Variants in ANXA4 observed in about 807,000 individuals in gnomAD.
ANXA4 encodes annexin A4.
ANXA4 carries 39 observed loss-of-function variants against 49.8 expected under a neutral mutation model. That is an observed-to-expected ratio of 0.78 (90% CI 0.61 to 1.02). The LOEUF (loss-of-function observed/expected upper bound fraction) is 1.02, where lower values mean the gene tolerates loss of function less well. ANXA4 is among the 50% of genes least tolerant of loss of function. The probability of loss-of-function intolerance (pLI) is 0.00; values close to 1 mark genes in which losing one functional copy is unlikely to be tolerated. For missense variants in ANXA4, 360 were observed against 410.1 expected (o/e 0.88, Z 1.05); for synonymous variants, 134 against 152.5 (o/e 0.88, Z 0.89).
intron 2 of ANXA4, among the ~76,000 whole-genome samples, chr2:69,665,395 G>C (rs2105331506): frequency 6.6e-6 from 1 of 152,262 alleles, no homozygotes; most frequent in South Asian, 2.1e-4. Flanking sequence ...TCTCATGGCA[G>C]CCAGGCAACA....
rs554148059 is a variant in ANXA4 at position 69,813,735 on chromosome 2, G to A, written c.534+1026G>A. Among the ~76,000 whole-genome samples the A allele has an allele frequency of 3.4e-5, 5 of 147,636 alleles. No homozygotes were observed. The South Asian group carries it at 1.1e-3, about 32-fold the overall frequency. ...TTGAACCAATTGGCATCTAGACCCA[G>A]TATTCTCTCTCTCTCTCTCTCTCTT... On this transcript the variant is annotated intron_variant, in intron 8 of 12. Transcript: ENST00000394295.
rs1026924443 is a variant in ANXA4 at position 69,706,527 on chromosome 2, C to T, written n.767-14247C>T. ...AGTTTGGCCAGGCTGGTCTCGAACT[C>T]CTGACTTCAGGTGATCCACCTGCCT... On this transcript the variant is annotated intron_variant and non_coding_transcript_variant, in intron 2 of 3. Transcript: ENST00000418066. 3.9e-5 allele frequency among the ~76,000 whole-genome samples: 6 copies of T among 152,030 alleles called. No individual in the cohort carries two copies. The South Asian group carries it at 8.3e-4, about 21-fold the overall frequency.
intron 2 of ANXA4, among the ~76,000 whole-genome samples, chr2:69,659,062 A>G (rs1389865518): frequency 1.3e-5 from 2 of 152,220 alleles, no homozygotes; most frequent in Non-Finnish European, 2.9e-5. Flanking sequence ...ATGAAAATGT[A>G]TCTAGTTAGT....
intron 1 of ANXA4, among the ~76,000 whole-genome samples, chr2:69,778,406 T>C (rs553465453): frequency 1.3e-5 from 2 of 152,332 alleles, no homozygotes; most frequent in African/African-American, 4.8e-5. Flanking sequence ...ATCTCTACAG[T>C]GGATATCAAT....
chr2:69,800,956 C>A (rs1673167999), intron 3 of ANXA4, among the ~76,000 whole-genome samples: 1 of 152,100 alleles, frequency 6.6e-6, no homozygotes, highest in African/African-American at 2.4e-5. Flanking sequence ...CGGTGAAATG[C>A]AGAGGGGTTT....
At chr2:69,740,357 A>T (rs1461416398), upstream of ANXA4, among the ~76,000 whole-genome samples, 1 of 152,126 alleles carries the variant, frequency 6.6e-6, no homozygotes. Context: ...CTTGTAAGGG[A>T]TGCAGTGTCT....
intron 2 of ANXA4, among the ~76,000 whole-genome samples, chr2:69,660,980 C>G (rs1335777299): frequency 6.6e-6 from 1 of 151,996 alleles, no homozygotes; most frequent in African/African-American, 2.4e-5. Context: ...AAAAGCAAAT[C>G]CACATATAGC....
intron 12 of ANXA4, among the ~76,000 whole-genome samples, chr2:69,822,092 G>A (rs772210785): frequency 2.3e-4 from 35 of 152,244 alleles, no homozygotes; most frequent in Non-Finnish European, 4.3e-4. Context: ...CAGGCATCGT[G>A]GCTCATGCCT....
chr2:69,708,177 A>G (rs1419617710), intron 2 of ANXA4, among the ~76,000 whole-genome samples: 3 of 152,064 alleles, frequency 2.0e-5, no homozygotes, highest in Admixed American at 2.0e-4. Flanking sequence ...AAGTATCTGG[A>G]CTCTAGGTCT....
Position 69,816,133 on chromosome 2 carries a change from G to A in ANXA4, c.567G>A (p.Gly189=), listed in dbSNP as rs758147794. 6.2e-6 allele frequency: 10 copies of A among 1,614,126 alleles called. No homozygotes were observed. Among genetic ancestry groups the A allele is most frequent in the Non-Finnish European group, 8.5e-6 (10 of 1,179,996 alleles). ...ATGAGGCTGGAGAGAAGAAATGGGG[G>A]ACAGATGAGGTGAAATTTCTAACTG... The part of the protein sequence containing the change: ...DLYEAGEKKW[G]TDEVKFLTVL... Residue 189 remains glycine (G), a synonymous_variant, in exon 9 of 13, where the codon GGG becomes GGA. Coordinates refer to ENST00000394295, the MANE Select transcript of ANXA4 (RefSeq NM_001153.5).
At chr2:69,762,590 T>C (rs2105528258) in intron 1 of ANXA4, among the ~76,000 whole-genome samples, 1 of 152,178 alleles carries the variant, frequency 6.6e-6, no homozygotes, top group East Asian at 1.9e-4. Context: ...AATAAATAAA[T>C]AAGTATGTAT....
intron 2 of ANXA4, among the ~76,000 whole-genome samples, chr2:69,668,017 T>A (rs1426456638): frequency 6.6e-6 from 1 of 152,228 alleles, no homozygotes; most frequent in African/African-American, 2.4e-5. Flanking sequence ...GCTCGTCTCA[T>A]GTCTGATAAC....
At chr2:69,688,595 A>G (rs773729619) in intron 2 of ANXA4, among the ~76,000 whole-genome samples, 4 of 152,232 alleles carry the variant, frequency 2.6e-5, no homozygotes, top group Admixed American at 6.5e-5. Flanking sequence ...TGTAAGATAA[A>G]TGCTTCATTA....
In ANXA4 at chr2:69,804,595, A is replaced by G. The variant is rs1673359410; in HGVS notation, c.160A>G (p.Ile54Val). The G allele has an allele frequency of 6.2e-7, 1 of 1,613,804 alleles. No homozygotes were observed. Among genetic ancestry groups the G allele is most frequent in the Non-Finnish European group, 8.5e-7 (1 of 1,179,892 alleles). The change falls in exon 4 of 13, where the codon ATC (isoleucine) becomes GTC (valine). Residue 54 changes from isoleucine (I) to valine (V), a missense_variant. By Grantham distance (29) the Ile-to-Val change is conservative (BLOSUM62 3). Transcript: ENST00000394295. ...CCGCAACACCGCCCAGCGCCAGGAG[A>G]TCAGGACAGCCTACAAGAGCACCAT... is the stretch of plus-strand genomic sequence containing the variant. The part of the protein sequence containing the change: ...AYRNTAQRQE[I>V]RTAYKSTIGR...
At chr2:69,739,408 GT>G (rs1273304118), upstream of ANXA4, among the ~76,000 whole-genome samples, 1 of 150,466 alleles carries the variant, frequency 6.6e-6, no homozygotes, top group African/African-American at 2.5e-5. Context: ...TAAAAAAGTG[GT>G]TTTTTTAGGG....
chr2:69,653,856 T>A (rs1374274228), intron 2 of ANXA4, among the ~76,000 whole-genome samples: 3 of 152,210 alleles, frequency 2.0e-5, no homozygotes, highest in African/African-American at 7.2e-5. Flanking sequence ...TAACATTGGA[T>A]CTATACATTA....
chr2:69,726,277 A>G (rs1333836168), intron 3 of ANXA4, among the ~76,000 whole-genome samples: 1 of 152,162 alleles, frequency 6.6e-6, no homozygotes, highest in East Asian at 1.9e-4. Context: ...ACCTTCTGCC[A>G]TAATTGTAAG....
chr2:69,682,247 C>T (rs1201553862), intron 2 of ANXA4, among the ~76,000 whole-genome samples: 1 of 152,036 alleles, frequency 6.6e-6, no homozygotes, highest in Non-Finnish European at 1.5e-5. Context: ...TATAAACTCC[C>T]CTCTTAGCAC....
chr2:69,648,883 C>CT lies in ANXA4; in HGVS notation n.481+3982dup, dbSNP rs199698315. On this transcript the variant is annotated intron_variant and non_coding_transcript_variant, in intron 1 of 3. Transcript: ENST00000418066. Reference sequence around the variant, plus strand: ...TTTTAATTTTTAATTTTCTTTCTTTCTTTTCTTTTTTTTTTTTTTTGAGAT... The same window carrying CT: ...TTTTAATTTTTAATTTTCTTTCTTTCTTTTTCTTTTTTTTTTTTTTTGAGAT... 6.6e-3 allele frequency among the ~76,000 whole-genome samples: 698 copies of CT among 105,734 alleles called. 29 individuals are homozygous for CT. Among genetic ancestry groups the CT allele is most frequent in the African/African-American group, 0.017 (444 of 26,862 alleles). The allele number at this position is 105,734 out of a possible 152,430, so 69.4% of individuals were successfully genotyped here.
Sources: allele counts gnomAD v4.1 joint callset (sites outside exome capture counted in the v4.1 genomes callset), GRCh38; gene constraint gnomAD v4.1.1; transcripts MANE v1.5; gene names NCBI Gene and HGNC (gene_info 2026-07-23, HGNC 2026-07-21).